ALG13: variants seen among roughly 807,000 people sequenced by gnomAD.
The protein encoded by ALG13 is UDP-N-acetylglucosamine transferase subunit ALG13.
Under a neutral mutation model 87.8 loss-of-function variants are expected in ALG13, and 11 were observed. The observed-to-expected ratio is 0.13, with a 90% CI of 0.08 to 0.21. The LOEUF (loss-of-function observed/expected upper bound fraction) is 0.21, where lower values mean the gene tolerates loss of function less well. Among genes scored for constraint, ALG13 ranks in the 10% least tolerant of loss-of-function variants. The pLI is 1.00. For synonymous variants in ALG13, 320 were observed against 306.3 expected (o/e 1.04, Z -0.47); for missense variants, 756 against 866.1 (o/e 0.87, Z 1.60).
At chrX:111,759,114 TCA>T (rs759602212) in intron 26 of ALG13, among the ~76,000 whole-genome samples, 4 of 109,656 alleles carry the variant, frequency 3.6e-5, no homozygotes, top group Non-Finnish European at 5.7e-5. Flanking sequence ...AGTCTTAATT[TCA>T]CAGAGTTAAT....
chrX:111,726,644 A>G (rs1313991327), intron 15 of ALG13, among the ~76,000 whole-genome samples, 165 bp from the exon 16 acceptor site: 1 of 111,279 alleles, frequency 9.0e-6, no homozygotes. Flanking sequence ...TCCAAATAAA[A>G]GATCTAGTAT....
intron 8 of ALG13, chrX:111,714,120 A>G (rs1940215585): frequency 9.0e-6 from 1 of 111,451 alleles, no homozygotes; most frequent in Non-Finnish European, 1.9e-5. Flanking sequence ...GAGAAGTAGC[A>G]TTAGGAATAG....
chrX:111,751,433 C>A (rs1419901035), intron 24 of ALG13, among the ~76,000 whole-genome samples: 1 of 111,829 alleles, frequency 8.9e-6, no homozygotes, highest in African/African-American at 3.2e-5. Context: ...GACTCACTTC[C>A]TTGCAATATT....
At chrX:111,711,765 T>A (rs778522153) in intron 6 of ALG13, 40 bp downstream of exon 6, 6 of 1,128,994 alleles carry the variant, frequency 5.3e-6, no homozygotes, top group Non-Finnish European at 7.2e-6. Context: ...TCAGAGTTAT[T>A]TGGAATAGTA....
chrX:111,734,913 T>C (rs1346550918), intron 21 of ALG13, 138 bp from the exon 22 acceptor site: 12 of 446,260 alleles, frequency 2.7e-5, no homozygotes, highest in Non-Finnish European at 4.7e-5. Context: ...TGATAACTTT[T>C]AGAGCTTTGT....
Position 111,759,749 on chromosome X carries a change from C to T in ALG13, c.3164C>T (p.Ala1055Val), listed in dbSNP as rs1945588620. The change falls in exon 27 of 27, where the codon GCT (alanine) becomes GTT (valine). Residue 1055 changes from alanine to valine, a missense_variant. Around this residue, in one of 9 missense-constraint regions of ALG13, gnomAD observed 110 missense variants for 104.9 expected, o/e 1.05. Transcript: ENST00000394780. ...TTTCTTTCAGATACTTTTCCGAATG[C>T]TGATTCTTCATCTGTCCCTCATGGA... ...EASANDTFPN[A>V]DSSSVPHGAV... 1 of 1,205,612 alleles carries T rather than the reference C, an allele frequency of 8.3e-7. No homozygotes were observed. Among genetic ancestry groups the T allele is most frequent in the South Asian group, 1.8e-5 (1 of 56,010 alleles).
intron 13 of ALG13, among the ~76,000 whole-genome samples, chrX:111,723,420 G>A (rs987483077): frequency 1.8e-5 from 2 of 110,492 alleles, no homozygotes; most frequent in African/African-American, 6.6e-5. Context: ...TTACAGGTGT[G>A]AGCCAGTGCA....
Position 111,756,263 on chromosome X carries a change from G to C in ALG13, c.2974-1325G>C, listed in dbSNP as rs143847003. ...ACATCACACATTGGGGCCTGTCGCG[G>C]GGTTGGGGGCAAAGGGAGGGAGAGC... On this transcript the variant is annotated intron_variant, in intron 25 of 26. Transcript: ENST00000394780. 5.9e-3 allele frequency among the ~76,000 whole-genome samples: 653 copies of C among 111,179 alleles called. 4 individuals carry two copies. Among genetic ancestry groups the C allele is most frequent in the African/African-American group, 0.02 (614 of 30,542 alleles).
intron 3 of ALG13, chrX:111,688,360 T>G: frequency 2.8e-6 from 2 of 714,457 alleles, no homozygotes; most frequent in Non-Finnish European, 3.3e-6. Context: ...AATGAAACAG[T>G]AACAACTTTT....
chrX:111,752,581 A>G (rs756403712), intron 24 of ALG13, among the ~76,000 whole-genome samples: 3 of 109,812 alleles, frequency 2.7e-5, no homozygotes, highest in African/African-American at 6.6e-5. Flanking sequence ...ACGTCCGGCT[A>G]ATTTTTGTAG....
At chrX:111,688,820 C>T (rs1935606011) in intron 3 of ALG13, 2 of 749,098 alleles carry the variant, frequency 2.7e-6, no homozygotes, top group Non-Finnish European at 3.2e-6. Context: ...TTAAAATTGA[C>T]TTAACTTGAG....
intron 24 of ALG13, among the ~76,000 whole-genome samples, chrX:111,748,963 A>T (rs1352613075): frequency 9.0e-6 from 1 of 110,652 alleles, no homozygotes; most frequent in Non-Finnish European, 1.9e-5. Flanking sequence ...AGCACCTGTA[A>T]TGCTAGTTAC....
intron 3 of ALG13, chrX:111,687,963 T>G: frequency 2.6e-6 from 3 of 1,173,891 alleles, no homozygotes; most frequent in Non-Finnish European, 3.4e-6. Context: ...AGAAAAATTT[T>G]CTGCATTTTT....
chrX:111,718,309 G>A, intron 10 of ALG13, 35 bp downstream of exon 10: 1 of 1,122,079 alleles, frequency 8.9e-7, no homozygotes, highest in South Asian at 2.1e-5. Context: ...TGATAATTAT[G>A]TTTCATACTT....
intron 3 of ALG13, among the ~76,000 whole-genome samples, chrX:111,692,493 C>G (rs1936302877): frequency 9.0e-6 from 1 of 111,336 alleles, no homozygotes; most frequent in Non-Finnish European, 1.9e-5. Flanking sequence ...ACACTGTCAT[C>G]TTGTACACAT....
chrX:111,699,894 AT>A (rs1192602828), intron 3 of ALG13, among the ~76,000 whole-genome samples: 2,336 of 103,882 alleles, frequency 0.022, 49 homozygotes, highest in African/African-American at 0.076. Flanking sequence ...AAATTTAAGG[AT>A]TTTTTTTTTT....
chrX:111,736,611 T>G (rs1381604744), intron 22 of ALG13, 103 bp from the exon 23 acceptor site: 1 of 776,387 alleles, frequency 1.3e-6, no homozygotes, highest in African/African-American at 2.1e-5. Context: ...TTTCAGTGTT[T>G]TAGTTTTCTA....
At chrX:111,725,874 A>T (rs975486918) in intron 15 of ALG13, among the ~76,000 whole-genome samples, 3 of 112,624 alleles carry the variant, frequency 2.7e-5, no homozygotes, top group Non-Finnish European at 3.7e-5. Context: ...GCAGCCAGGG[A>T]TATTAACAGG....
intron 15 of ALG13, among the ~76,000 whole-genome samples, chrX:111,726,162 G>T (rs1259682699): frequency 9.3e-6 from 1 of 108,083 alleles, no homozygotes; most frequent in African/African-American, 3.4e-5. Context: ...AGCCAAGATG[G>T]TCTCGATCTC....
Sources: gnomAD v4.1 joint callset for allele counts (sites outside exome capture counted in the v4.1 genomes callset) on GRCh38, gnomAD v4.1.1 for gene constraint, gnomAD v4.1.1 regional missense constraint, MANE v1.5 for transcripts, NCBI Gene and HGNC (gene_info 2026-07-23, HGNC 2026-07-21) for gene names.